CDKAL1: variants seen among roughly 807,000 people sequenced by gnomAD.
CDKAL1 encodes CDKAL1 threonylcarbamoyladenosine tRNA methylthiotransferase.
Under a neutral mutation model 68.2 loss-of-function variants are expected in CDKAL1, and 32 were observed. The observed-to-expected ratio is 0.47, with a 90% confidence interval of 0.35 to 0.63. The LOEUF (loss-of-function observed/expected upper bound fraction) is 0.63, where lower values mean the gene tolerates loss of function less well. CDKAL1 is among the 30% of genes least tolerant of loss of function. The probability of loss-of-function intolerance (pLI) is 0.00; values close to 1 mark genes in which losing one functional copy is unlikely to be tolerated. For synonymous variants in CDKAL1, 234 were observed against 244.3 expected (o/e 0.96, Z 0.39); for missense variants, 606 against 696.7 (o/e 0.87, Z 1.47).
chr6:20,676,692 A>AATAC (rs890842072), intron 5 of CDKAL1, among the ~76,000 whole-genome samples: 3 of 126,222 alleles, frequency 2.4e-5, no homozygotes, highest in African/African-American at 1.5e-4. Context: ...TAAATAAATA[A>AATAC]ATAAATAAAT....
intron 4 of CDKAL1, among the ~76,000 whole-genome samples, chr6:20,557,874 C>T (rs1329655310): frequency 2.6e-5 from 4 of 152,230 alleles, no homozygotes; most frequent in South Asian, 2.1e-4. Context: ...TTCCAGTGAG[C>T]GGTGATCACA....
intron 5 of CDKAL1, among the ~76,000 whole-genome samples, chr6:20,724,545 G>A (rs1351870033): frequency 2.0e-5 from 3 of 151,932 alleles, no homozygotes; most frequent in East Asian, 1.9e-4. Flanking sequence ...GGTGAAACCC[G>A]TCTCTACTTA....
chr6:20,994,277 G>A (rs1187922077), intron 10 of CDKAL1, among the ~76,000 whole-genome samples: 7 of 152,182 alleles, frequency 4.6e-5, no homozygotes, highest in African/African-American at 1.7e-4. Context: ...TCAGGAGTTC[G>A]AGACCAGCCT....
chr6:20,722,327 C>T (rs1294247643), intron 5 of CDKAL1: 1 of 190,588 alleles, frequency 5.2e-6, no homozygotes, highest in East Asian at 1.5e-4. Context: ...AAAGATGATG[C>T]TTAGAACTAG....
chr6:20,816,144 A>C, intron 8 of CDKAL1, among the ~76,000 whole-genome samples: 1 of 133,338 alleles, frequency 7.5e-6, no homozygotes, highest in Non-Finnish European at 1.6e-5. Context: ...TTTTTTTTTT[A>C]AGGACAACAG....
chr6:21,069,804 T>TTTTTTTTTTTTTTTTTA (rs60342057), intron 12 of CDKAL1, among the ~76,000 whole-genome samples: 1 of 85,476 alleles, frequency 1.2e-5, no homozygotes, highest in Non-Finnish European at 2.2e-5. Flanking sequence ...TTTTTTTTTT[T>TTTTTTTTTTTTTTTTTA]AAAACAGAGC....
At chr6:20,970,311 A>G (rs1490142548) in intron 10 of CDKAL1, among the ~76,000 whole-genome samples, 2 of 152,190 alleles carry the variant, frequency 1.3e-5, no homozygotes, top group Non-Finnish European at 2.9e-5. Context: ...GGCCAAACAC[A>G]CCACATAGCT....
intron 13 of CDKAL1, among the ~76,000 whole-genome samples, chr6:21,132,411 A>G (rs1300090596): frequency 6.6e-6 from 1 of 152,174 alleles, no homozygotes; most frequent in African/African-American, 2.4e-5. Flanking sequence ...AGTCAGCCCT[A>G]TTTTGGAACT....
At chr6:20,716,956 G>A (rs1381667930) in intron 5 of CDKAL1, among the ~76,000 whole-genome samples, 1 of 152,070 alleles carries the variant, frequency 6.6e-6, no homozygotes, top group East Asian at 1.9e-4. Context: ...AGGAAGTCGG[G>A]GGAAGTGTTT....
chr6:20,821,808 A>ACTTAACTTGGTAC (rs1344569556), intron 8 of CDKAL1, among the ~76,000 whole-genome samples: 1 of 152,198 alleles, frequency 6.6e-6, no homozygotes, highest in African/African-American at 2.4e-5. Context: ...GAGGTAATAA[A>ACTTAACTTGGTAC]CTTAACTTGG....
chr6:20,683,030 A>T (rs1427652963), intron 5 of CDKAL1, among the ~76,000 whole-genome samples: 1 of 149,136 alleles, frequency 6.7e-6, no homozygotes, highest in Non-Finnish European at 1.5e-5. Flanking sequence ...AGGTGCAAGC[A>T]TAGCACCCTG....
intron 13 of CDKAL1, among the ~76,000 whole-genome samples, chr6:21,191,927 C>G (rs1043521904): frequency 7.0e-6 from 1 of 142,612 alleles, no homozygotes; most frequent in Non-Finnish European, 1.5e-5. Context: ...CCTTCCTTCA[C>G]TTTAGTGACC....
At chr6:20,544,923 C>G (rs1336382980) in intron 2 of CDKAL1, among the ~76,000 whole-genome samples, 1 of 151,834 alleles carries the variant, frequency 6.6e-6, no homozygotes, top group African/African-American at 2.4e-5. Context: ...CAAGCTCTCC[C>G]CACTTGGCCT....
chr6:21,078,515 C>T (rs760183953), intron 12 of CDKAL1, among the ~76,000 whole-genome samples: 5 of 152,226 alleles, frequency 3.3e-5, no homozygotes, highest in Non-Finnish European at 5.9e-5. Flanking sequence ...TCATTCTGCA[C>T]ATCAGGAAAC....
chr6:20,549,361 A>T (rs1763726656), intron 4 of CDKAL1, among the ~76,000 whole-genome samples: 1 of 152,128 alleles, frequency 6.6e-6, no homozygotes, highest in African/African-American at 2.4e-5. Flanking sequence ...TATCGGGGTC[A>T]TGATGTCAGT....
At chr6:20,841,620 A>G (rs2150485735) in intron 8 of CDKAL1, among the ~76,000 whole-genome samples, 1 of 152,350 alleles carries the variant, frequency 6.6e-6, no homozygotes, top group East Asian at 1.9e-4. Flanking sequence ...TTAAGACTTC[A>G]GGGTTGAACT....
At chr6:21,104,908 T>C (rs1582206697) in intron 12 of CDKAL1, among the ~76,000 whole-genome samples, 1 of 152,244 alleles carries the variant, frequency 6.6e-6, no homozygotes, top group Non-Finnish European at 1.5e-5. Context: ...ATATTCCTTT[T>C]CCACCTGCCA....
intron 11 of CDKAL1, among the ~76,000 whole-genome samples, chr6:21,016,612 T>TCATCCATCCATCCATCCATCCATC (rs3061573): frequency 6.9e-6 from 1 of 143,992 alleles, no homozygotes; most frequent in African/African-American, 2.6e-5. Context: ...CGCCTTCCAT[T>TCATCCATCCATCCATCCATCCATC]CATCCATCCA....
chr6:20,881,933 A>C (rs551135369), intron 9 of CDKAL1, among the ~76,000 whole-genome samples: 1 of 152,134 alleles, frequency 6.6e-6, no homozygotes, highest in Non-Finnish European at 1.5e-5. Context: ...TTTCTAGTCA[A>C]ACTCTCTTAT....
Sources: gnomAD v4.1 joint callset for allele counts (sites outside exome capture counted in the v4.1 genomes callset) on GRCh38, gnomAD v4.1.1 for gene constraint, MANE v1.5 for transcripts, NCBI Gene and HGNC (gene_info 2026-07-23, HGNC 2026-07-21) for gene names.